NCKAP5L: variants seen among roughly 807,000 people sequenced by gnomAD.
NCKAP5L encodes the protein NCK associated protein 5 like, also known as nck-associated protein 5-like.
NCKAP5L carries 54 observed loss-of-function variants against 103.2 expected under a neutral mutation model. That is an observed-to-expected ratio of 0.52 (90% CI 0.42 to 0.66). The LOEUF is 0.66. Ranked by LOEUF, NCKAP5L falls within the 30% of genes least tolerant of loss-of-function variation. NCKAP5L has a pLI of 0.00. For missense variants in NCKAP5L, 1,733 were observed against 1,750.6 expected, an observed-to-expected ratio of 0.99 and a Z score of 0.18; for synonymous variants, 762 against 748.6, an observed-to-expected ratio of 1.02 and a Z score of -0.29.
Position 49,797,042 on chromosome 12 carries a change from G to A in NCKAP5L, c.818C>T (p.Pro273Leu). ...GLGGEEDTGR[P>L]WGPSRGPPQA... ...AGGAGGTCCCCTGCTAGGACCCCAGGGCCGCCCAGTGTCCTCTTCCCCTCC... is the reference window on the plus strand; with the variant it reads ...AGGAGGTCCCCTGCTAGGACCCCAGAGCCGCCCAGTGTCCTCTTCCCCTCC... Residue 273 changes from proline (P) to leucine (L), a missense_variant, in exon 8 of 13, where the codon CCC becomes CTC. Pro to Leu is a moderately conservative substitution (Grantham distance 98, BLOSUM62 -3). Transcript: ENST00000335999. This position sits in a 1 kb window ranked among gnomAD's most constrained non-coding sequence, Gnocchi z 4.5. The A allele has an allele frequency of 1.3e-6, 2 of 1,573,654 alleles. No individual in the cohort carries two copies. Among genetic ancestry groups the A allele is most frequent in the Non-Finnish European group, 8.6e-7 (1 of 1,160,180 alleles).
chr12:49,804,077 C>A lies in NCKAP5L; in HGVS notation c.-33G>T. The A allele has an allele frequency of 1.2e-6, 2 of 1,603,042 alleles. No individual in the cohort carries two copies. The highest frequency in any genetic ancestry group is 1.7e-6 in the Non-Finnish European group (2 of 1,179,132). On this transcript the variant is annotated 5_prime_UTR_variant, in exon 3 of 13. Transcript: ENST00000335999. ...TGGGAACAAGGAAGAGAAGCCCCGG[C>A]AGGCTACTCCAGGGAATGAGGAGGA...
intron 6 of NCKAP5L, among the ~76,000 whole-genome samples, chr12:49,799,261 C>T (rs1483835753): frequency 1.3e-5 from 2 of 152,068 alleles, no homozygotes; most frequent in Non-Finnish European, 2.9e-5. Context: ...ACAAGAGAAC[C>T]TCAAGCATCT....
intron 8 of NCKAP5L, among the ~76,000 whole-genome samples, chr12:49,794,140 C>T (rs1449129918): frequency 6.6e-6 from 1 of 152,142 alleles, no homozygotes; most frequent in Non-Finnish European, 1.5e-5. Context: ...GAAAGTTATC[C>T]AGGGTCAAGC....
In NCKAP5L at chr12:49,792,913, C is replaced by T; in HGVS notation, c.3414G>A (p.Gly1138=). The change falls in exon 11 of 13, where the codon GGG becomes GGA. Residue 1138 remains glycine, a synonymous_variant. Transcript: ENST00000335999. The surrounding 1 kb of genome is among the most constrained non-coding windows in gnomAD (Gnocchi z 4.5). ...TCTTAGGAAGATTCTTGCTGGGGGTCCCACTGCTACCATGGTCTGGGGGTG... is the reference window on the plus strand; with the variant it reads ...TCTTAGGAAGATTCTTGCTGGGGGTTCCACTGCTACCATGGTCTGGGGGTG... ...TFPPPDHGSS[G]TPSKNLPKTK... is the part of the protein sequence containing the mutation. The T allele has an allele frequency of 6.5e-7, 1 of 1,549,082 alleles. No individual in the cohort carries two copies. Among genetic ancestry groups the T allele is most frequent in the South Asian group, 1.2e-5 (1 of 82,642 alleles).
chr12:49,796,791 G>A lies in NCKAP5L; in HGVS notation c.1069C>T (p.Pro357Ser), dbSNP rs746761777. 23 of 1,613,694 alleles carry A rather than the reference G, an allele frequency of 1.4e-5. No individual in the cohort carries two copies. In the South Asian group the frequency reaches 2.0e-4, roughly 14 times the overall value. Residue 357 changes from proline (P) to serine (S), a missense_variant, in exon 8 of 13, where the codon CCT (proline) becomes TCT (serine). By Grantham distance (74) the Pro-to-Ser change is moderately conservative. Coordinates refer to ENST00000335999, the MANE Select transcript of NCKAP5L (RefSeq NM_001037806.4). ...AGPLNGDHPG[P>S]GQSSSPDQAP... ...TGGTCTGGGGAGGATGACTGCCCAGGACCTGGGTGGTCCCCATTGAGTGGG... is the reference window on the plus strand; with the variant it reads ...TGGTCTGGGGAGGATGACTGCCCAGAACCTGGGTGGTCCCCATTGAGTGGG...
intron 2 of NCKAP5L, 143 bp from the exon 3 acceptor site, chr12:49,804,223 C>T (rs1267119340): frequency 1.5e-6 from 1 of 662,510 alleles, no homozygotes; most frequent in Non-Finnish European, 2.4e-6. Context: ...TGGTCACGGT[C>T]ACGGGGCAGA....
chr12:49,802,821 C>A, intron 5 of NCKAP5L, 137 bp downstream of exon 5: 1 of 1,019,546 alleles, frequency 9.8e-7, no homozygotes, highest in Non-Finnish European at 1.4e-6. Context: ...CTAGGTAGAA[C>A]AGAATGGACC....
chr12:49,809,567 C>T (rs1946217615), intron 1 of NCKAP5L, among the ~76,000 whole-genome samples: 1 of 152,178 alleles, frequency 6.6e-6, no homozygotes, highest in Non-Finnish European at 1.5e-5. Context: ...CTTCCCTCCG[C>T]ACCCTCCCCA....
chr12:49,796,762 C>T lies in NCKAP5L; in HGVS notation c.1098G>A (p.Ala366=), dbSNP rs766894406. The T allele has an allele frequency of 2.6e-5, 42 of 1,613,238 alleles. No homozygotes were observed. Among genetic ancestry groups the T allele is most frequent in the African/African-American group, 4.0e-5 (3 of 74,912 alleles). ...GPGQSSSPDQ[A]PPQLSKSKGL... is the part of the protein sequence containing the mutation. ...CTTTGGACTTAGACAGCTGTGGGGG[C>T]GCCTGGTCTGGGGAGGATGACTGCC... Residue 366 remains alanine (A), a synonymous_variant, in exon 8 of 13, where the codon GCG becomes GCA. Transcript: ENST00000335999.
intron 1 of NCKAP5L, among the ~76,000 whole-genome samples, chr12:49,814,992 A>T (rs1404527556): frequency 1.3e-5 from 2 of 152,256 alleles, no homozygotes; most frequent in East Asian, 3.8e-4. Context: ...ATATGCTTTG[A>T]GAAGAATACC....
rs373682422 is a variant in NCKAP5L, at chr12:49,795,957, G to A, written c.1903C>T (p.Arg635Cys). 13 of 1,531,610 alleles carry A rather than the reference G, an allele frequency of 8.5e-6. No homozygotes were observed. Among genetic ancestry groups the A allele is most frequent in the Admixed American group, 2.3e-5 (1 of 44,228 alleles). 94.9% of individuals were successfully genotyped at this position (1,531,610 alleles called of 1,614,324 possible). The change falls in exon 8 of 13, where the codon CGC (arginine) becomes TGC (cysteine). Residue 635 changes from arginine (R) to cysteine (C), a missense_variant. Coordinates refer to ENST00000335999, the MANE Select transcript of NCKAP5L (RefSeq NM_001037806.4). ...KAGSESPHPG[R>C]RTPGNSSKKP... is the part of the protein sequence containing the mutation. ...TTGGATGAGTTGCCTGGGGTCCTGC[G>A]GCCGGGATGGGGAGACTCCGAGCCT...
intron 2 of NCKAP5L, 59 bp from the exon 3 acceptor site, chr12:49,804,139 T>A (rs1415246973): frequency 6.5e-7 from 1 of 1,527,462 alleles, no homozygotes. Context: ...AACCCTTTAG[T>A]CTCCTTGGAG....
Position 49,791,830 on chromosome 12 carries a change from C to T in NCKAP5L, c.*9G>A, listed in dbSNP as rs372489015. ...CAGCTCCAGCGGGGCCGTGGCGTGG[C>T]GCAGCCCCTCAGCCCTGACTCCCAC... is the stretch of plus-strand genomic sequence containing the variant. On this transcript the variant is annotated 3_prime_UTR_variant, in exon 13 of 13. Transcript: ENST00000335999. The T allele has an allele frequency of 5.1e-6, 8 of 1,578,470 alleles. No homozygotes were observed. The highest frequency in any genetic ancestry group is 2.3e-5 in the South Asian group (2 of 86,598).
chr12:49,793,532 G>C (rs1361469761), intron 9 of NCKAP5L, 99 bp from the exon 10 acceptor site: 2 of 1,360,386 alleles, frequency 1.5e-6, no homozygotes, highest in East Asian at 4.7e-5. Context: ...ACATATGAGA[G>C]TATGAGGATT....
At position 49,792,245 on chromosome 12, in the gene NCKAP5L, C is replaced by G; in HGVS notation, c.3793-194G>C. 1.7e-6 allele frequency: 2 copies of G among 1,199,652 alleles called. No individual in the cohort carries two copies. The highest frequency in any genetic ancestry group is 2.4e-6 in the Non-Finnish European group (2 of 841,242). 74.3% of individuals were successfully genotyped at this position (1,199,652 alleles called of 1,614,324 possible). A position where few individuals can be genotyped will look rare whatever the true frequency, so the allele number is the denominator to read the frequency against. On this transcript the variant is annotated intron_variant, in intron 12 of 12. Coordinates refer to ENST00000335999, the MANE Select transcript of NCKAP5L (RefSeq NM_001037806.4). The surrounding 1 kb of genome is among the most constrained non-coding windows in gnomAD (Gnocchi z 4.5). ...AGTCCTACAAGGTTCTGGGGAGGGA[C>G]AGAAACCTTTCCCCACGAGAGAAGT...
intron 1 of NCKAP5L, among the ~76,000 whole-genome samples, chr12:49,825,645 T>C (rs766576802): frequency 1.5e-4 from 23 of 152,148 alleles, no homozygotes; most frequent in Non-Finnish European, 2.9e-4. Flanking sequence ...GCTTCCATTA[T>C]CCATTCCAAC....
chr12:49,792,497 G>A lies in NCKAP5L; in HGVS notation c.3741C>T (p.Asp1247=), dbSNP rs766136047. ...PNTRAAGSSS[D]PLMCPPRQLE... is the part of the protein sequence containing the mutation. ...GTTGTCGGGGTGGGCACATGAGAGG[G>A]TCCGAGGAGCTGCCGGCTGCCCTAG... is the stretch of plus-strand genomic sequence containing the variant. Residue 1247 remains aspartate, a synonymous_variant, in exon 12 of 13, where the codon GAC becomes GAT. Transcript: ENST00000335999. This position sits in a 1 kb window ranked among gnomAD's most constrained non-coding sequence, Gnocchi z 4.5. 2.5e-6 allele frequency: 4 copies of A among 1,613,542 alleles called. No homozygotes were observed. Among genetic ancestry groups the A allele is most frequent in the East Asian group, 2.2e-5 (1 of 44,886 alleles).
In NCKAP5L at chr12:49,795,449, A is replaced by G; in HGVS notation, c.2411T>C (p.Leu804Pro). The G allele has an allele frequency of 6.4e-7, 1 of 1,571,348 alleles. No homozygotes were observed. The highest frequency in any genetic ancestry group is 8.6e-7 in the Non-Finnish European group (1 of 1,163,392). Residue 804 changes from leucine to proline, a missense_variant, in exon 8 of 13, where the codon CTG becomes CCG. By Grantham distance (98) the Leu-to-Pro change is moderately conservative. Transcript: ENST00000335999. ...PAKVPTSAPS[L>P]GKPNKSPHSS... The stretch of plus-strand genomic sequence containing the variant: ...GTGAGGGCTCTTATTGGGCTTGCCC[A>G]GGCTTGGGGCTGAGGTTGGCACTTT...
intron 6 of NCKAP5L, among the ~76,000 whole-genome samples, chr12:49,800,152 G>A (rs142619018): frequency 6.3e-4 from 96 of 152,344 alleles, no homozygotes; most frequent in Admixed American, 1.5e-3. Context: ...CCGAGATCGC[G>A]CCATTGCACT....
Sources: allele counts gnomAD v4.1 joint callset (sites outside exome capture counted in the v4.1 genomes callset), GRCh38; gene constraint gnomAD v4.1.1; non-coding constraint Gnocchi (gnomAD v3.1); transcripts MANE v1.5; gene names NCBI Gene and HGNC (gene_info 2026-07-23, HGNC 2026-07-21).